Variants in CELF2 observed in about 807,000 individuals in gnomAD.
CELF2 encodes the protein CUGBP Elav-like family member 2.
CELF2 carries 8 observed loss-of-function variants against 62.6 expected under a neutral mutation model. The observed-to-expected ratio is 0.13, with a 90% CI of 0.07 to 0.23. CELF2 has a LOEUF of 0.23. CELF2 is among the 10% of genes least tolerant of loss of function. The probability of loss-of-function intolerance (pLI) is 1.00; values close to 1 mark genes in which losing one functional copy is unlikely to be tolerated. For missense variants in CELF2, 333 were observed against 671.0 expected (o/e 0.50, Z 5.56); for synonymous variants, 258 against 250.0 (o/e 1.03, Z -0.30).
At position 11,039,866 on chromosome 10, in the gene CELF2, T is replaced by C. The variant is rs1472087410; in HGVS notation, c.74+21703T>C. 2.6e-5 allele frequency among the ~76,000 whole-genome samples: 4 copies of C among 152,160 alleles called. No individual in the cohort carries two copies. The highest frequency in any genetic ancestry group is 5.9e-5 in the Non-Finnish European group (4 of 68,024). On this transcript the variant is annotated intron_variant, in intron 1 of 12. Coordinates refer to ENST00000633077, the MANE Select transcript of CELF2 (RefSeq NM_001326342.2). This position sits in a 1 kb window ranked among gnomAD's most constrained non-coding sequence, Gnocchi z 4.1. ...TATATATTTTAATTCCAGGTAACAT[T>C]GGAATGTGGTATGTGTTGGGGGTGG...
chr10:10,659,215 CAGG>C, the CELF2 span, among the ~76,000 whole-genome samples: 3 of 152,162 alleles, frequency 2.0e-5, no homozygotes, highest in Middle Eastern at 6.3e-3. Flanking sequence ...CATAAAGAAA[CAGG>C]AGCATATTAA....
the CELF2 span, among the ~76,000 whole-genome samples, chr10:10,777,081 G>A: frequency 6.6e-6 from 1 of 152,114 alleles, no homozygotes; most frequent in African/African-American, 2.4e-5. Flanking sequence ...TCTCTTGTGT[G>A]CCCTCTCTTG....
the CELF2 span, among the ~76,000 whole-genome samples, chr10:10,606,706 G>A: frequency 2.6e-5 from 4 of 152,120 alleles, no homozygotes; most frequent in Non-Finnish European, 4.4e-5. Context: ...GTACCTTAAA[G>A]TTCTCTGGAG....
intron 2 of CELF2, among the ~76,000 whole-genome samples, chr10:11,190,425 CTT>C (rs2076017935): frequency 1.3e-5 from 2 of 152,216 alleles, no homozygotes; most frequent in Admixed American, 1.3e-4. Flanking sequence ...TCTCCTCTTT[CTT>C]CTCTGTGTGT....
At chr10:10,644,315 A>C in the CELF2 span, among the ~76,000 whole-genome samples, 1 of 152,138 alleles carries the variant, frequency 6.6e-6, no homozygotes, top group Non-Finnish European at 1.5e-5. Context: ...GCATCTCATT[A>C]GTTTTTCTTA....
chr10:10,519,232 C>T, the CELF2 span, among the ~76,000 whole-genome samples: 269 of 152,254 alleles, frequency 1.8e-3, 1 homozygote, highest in Non-Finnish European at 3.2e-3. Context: ...CGAGGCTGAT[C>T]TCTGGAAATG....
At chr10:11,135,272 T>C (rs947732697) in intron 1 of CELF2, among the ~76,000 whole-genome samples, 1 of 152,242 alleles carries the variant, frequency 6.6e-6, no homozygotes, top group African/African-American at 2.4e-5. Context: ...TGTTTTAAAA[T>C]AATTTATATG....
At chr10:10,693,688 C>G in the CELF2 span, among the ~76,000 whole-genome samples, 1,136 of 148,842 alleles carry the variant, frequency 7.6e-3, 4 homozygotes, top group African/African-American at 0.01. Context: ...ACAATTTCAG[C>G]TCCTGTTATT....
At chr10:10,499,721 T>C in the CELF2 span, among the ~76,000 whole-genome samples, 1 of 152,078 alleles carries the variant, frequency 6.6e-6, no homozygotes, top group Non-Finnish European at 1.5e-5. Flanking sequence ...CCACTAAGAA[T>C]ACAAAAATTA....
chr10:11,004,482 C>A (rs904493880), upstream of CELF2, among the ~76,000 whole-genome samples: 4 of 151,876 alleles, frequency 2.6e-5, no homozygotes, highest in African/African-American at 9.7e-5. This position sits in a 1 kb window ranked among gnomAD's most constrained non-coding sequence, Gnocchi z 5.0. Flanking sequence ...TAGAATTTTT[C>A]TAATTCCAAT....
intron 1 of CELF2, among the ~76,000 whole-genome samples, chr10:11,095,634 G>C (rs1369531278): frequency 6.6e-6 from 1 of 152,134 alleles, no homozygotes. Context: ...TCTCAGCTTG[G>C]GAAAAGGCCT....
chr10:10,668,557 A>G, the CELF2 span, among the ~76,000 whole-genome samples: 7 of 152,316 alleles, frequency 4.6e-5, no homozygotes, highest in African/African-American at 1.4e-4. Context: ...GACACTTAAT[A>G]TCGTATTGAC....
rs1027243705 is a variant in CELF2 at position 11,331,969 on chromosome 10, T to G, written c.*2916T>G. 22 of 152,424 alleles carry G rather than the reference T, an allele frequency of 1.4e-4. No homozygotes were observed. Among genetic ancestry groups the G allele is most frequent in the African/African-American group, 5.3e-4 (22 of 41,600 alleles). 9.4% of individuals were successfully genotyped at this position (152,424 alleles called of 1,614,324 possible). A position where few individuals can be genotyped will look rare whatever the true frequency, so the allele number is the denominator to read the frequency against. On this transcript the variant is annotated 3_prime_UTR_variant, in exon 13 of 13. Coordinates refer to ENST00000633077, the MANE Select transcript of CELF2 (RefSeq NM_001326342.2). ...CATCTATCCTCTAAGTTGTTTCGGT[T>G]TGACTACTTTGTTCTTTGGTTAAGA...
intron 2 of CELF2, among the ~76,000 whole-genome samples, chr10:11,202,732 C>T (rs1330735963): frequency 6.6e-6 from 1 of 152,182 alleles, no homozygotes; most frequent in Non-Finnish European, 1.5e-5. Context: ...TTAGAACTAA[C>T]AGTGAGACCC....
At chr10:10,825,517 G>A (rs755352280) in intron 1 of CELF2, among the ~76,000 whole-genome samples, 9 of 152,132 alleles carry the variant, frequency 5.9e-5, no homozygotes, top group Non-Finnish European at 1.0e-4. Context: ...GCTGGATACC[G>A]ATGTTTTAAG....
chr10:10,739,138 T>C, the CELF2 span, among the ~76,000 whole-genome samples: 1 of 152,206 alleles, frequency 6.6e-6, no homozygotes, highest in South Asian at 2.1e-4. Flanking sequence ...AAATAGAATC[T>C]GACGATAACA....
the CELF2 span, among the ~76,000 whole-genome samples, chr10:10,687,765 C>A: frequency 2.0e-5 from 3 of 152,144 alleles, no homozygotes; most frequent in Admixed American, 1.3e-4. Flanking sequence ...AGTTTTCTTG[C>A]CGGGATGCAA....
At position 10,974,651 on chromosome 10, in the gene CELF2, G is replaced by C. The variant is rs922842423; in HGVS notation, c.89+54652G>C. On this transcript the variant is annotated intron_variant, in intron 2 of 13. Coordinates refer to the CELF2 transcript ENST00000636488. Reference sequence around the variant, plus strand: ...TCACTAAGCCATCCCCTCTGGTTACGTGATTATGTATAGCAATTTACTATC... The same window carrying C: ...TCACTAAGCCATCCCCTCTGGTTACCTGATTATGTATAGCAATTTACTATC... Among the ~76,000 whole-genome samples the C allele has an allele frequency of 2.0e-5, 3 of 152,190 alleles. No individual in the cohort carries two copies. The South Asian group carries it at 6.2e-4, about 31-fold the overall frequency.
chr10:10,980,466 T>C (rs1188040597), intron 2 of CELF2, among the ~76,000 whole-genome samples: 5 of 152,238 alleles, frequency 3.3e-5, no homozygotes, highest in Admixed American at 2.0e-4. Flanking sequence ...CGTGGCCTCC[T>C]TCTCTTGCTT....
Sources: allele counts gnomAD v4.1 joint callset (sites outside exome capture counted in the v4.1 genomes callset), GRCh38; gene constraint gnomAD v4.1.1; non-coding constraint Gnocchi (gnomAD v3.1); transcripts MANE v1.5; gene names NCBI Gene and HGNC (gene_info 2026-07-23, HGNC 2026-07-21).